HLF: variants seen among roughly 807,000 people sequenced by gnomAD.
The protein encoded by HLF is hepatic leukemia factor.
A neutral mutation model predicts 22.6 loss-of-function variants in HLF; 3 were observed. The observed-to-expected ratio is 0.13, with a 90% CI of 0.06 to 0.34. The LOEUF is 0.34. Ranked by LOEUF, HLF falls within the 10% of genes least tolerant of loss-of-function variation. The probability of loss-of-function intolerance (pLI) is 1.00; values close to 1 mark genes in which losing one functional copy is unlikely to be tolerated. For missense variants in HLF, 299 were observed against 389.2 expected (o/e 0.77, Z 1.95); for synonymous variants, 151 against 151.8 (o/e 0.99, Z 0.04).
intron 2 of HLF, among the ~76,000 whole-genome samples, chr17:55,282,268 G>T (rs1210524039): frequency 1.3e-5 from 2 of 152,180 alleles, no homozygotes; most frequent in Non-Finnish European, 2.9e-5. Context: ...CCAGGTTTTT[G>T]AGTTGCTGGA....
chr17:55,283,105 A>G lies in HLF; in HGVS notation c.451+15019A>G, dbSNP rs931011946. Among the ~76,000 whole-genome samples the G allele has an allele frequency of 3.3e-5, 5 of 152,184 alleles. 1 individual carries two copies. The highest frequency in any genetic ancestry group is 1.2e-4 in the African/African-American group (5 of 41,538). Reference sequence around the variant, plus strand: ...AGTGGTCGTTTACTAGCCAGACAAAATAATTTTTTTATAAAGAAAAGAAAA... The same window carrying G: ...AGTGGTCGTTTACTAGCCAGACAAAGTAATTTTTTTATAAAGAAAAGAAAA... On this transcript the variant is annotated intron_variant, in intron 2 of 3. Transcript: ENST00000226067.
rs1905388611 is a variant in HLF, at chr17:55,324,622, C to T, written c.*3743C>T. On this transcript the variant is annotated 3_prime_UTR_variant, in exon 4 of 4. Coordinates refer to ENST00000226067, the MANE Select transcript of HLF (RefSeq NM_002126.5). ...GGTGTCTGAGACTAAGTGATCTGCC[C>T]TCCAGGTGGCGATCACCTTCTGCTC... 5 of 232,768 alleles carry T rather than the reference C, an allele frequency of 2.1e-5. No homozygotes were observed. The East Asian group carries it at 3.0e-4, about 14-fold the overall frequency. 14.4% of individuals were successfully genotyped at this position (232,768 alleles called of 1,614,324 possible). A position where few individuals can be genotyped will look rare whatever the true frequency, so the allele number is the denominator to read the frequency against.
intron 2 of HLF, chr17:55,272,954 G>A (rs1207805632): frequency 6.6e-6 from 1 of 152,336 alleles, no homozygotes; most frequent in East Asian, 1.9e-4. Flanking sequence ...GAAGGGGAGG[G>A]AGTCTGCATG....
chr17:55,306,192 G>T (rs1904539555), intron 2 of HLF, among the ~76,000 whole-genome samples: 1 of 152,078 alleles, frequency 6.6e-6, no homozygotes, highest in Non-Finnish European at 1.5e-5. Context: ...CTACACTGCA[G>T]CCTGGAGACA....
In HLF at chr17:55,323,373, T is replaced by C. The variant is rs2145384216; in HGVS notation, c.*2494T>C. On this transcript the variant is annotated 3_prime_UTR_variant, in exon 4 of 4. Coordinates refer to ENST00000226067, the MANE Select transcript of HLF (RefSeq NM_002126.5). ...AATGATGTCTTTAAGTGGAGAATTG[T>C]GGAAGGATTGTAACATGGACCATCC... The C allele has an allele frequency of 4.6e-6, 1 of 215,472 alleles. No individual in the cohort carries two copies. Among genetic ancestry groups the C allele is most frequent in the Non-Finnish European group, 9.4e-6 (1 of 106,600 alleles). 13.3% of individuals were successfully genotyped at this position (215,472 alleles called of 1,614,324 possible).
chr17:55,302,888 C>A (rs1904362865), intron 2 of HLF, among the ~76,000 whole-genome samples: 2 of 152,208 alleles, frequency 1.3e-5, no homozygotes. Context: ...GAAGGTAGCC[C>A]ATCCTAGGGG....
chr17:55,298,183 G>C (rs2081126496), intron 2 of HLF, among the ~76,000 whole-genome samples: 1 of 152,104 alleles, frequency 6.6e-6, no homozygotes, highest in Non-Finnish European at 1.5e-5. Context: ...TAGATCCCCT[G>C]TTCAGGGGAT....
chr17:55,315,566 A>G, intron 3 of HLF, 119 bp downstream of exon 3: 1 of 750,298 alleles, frequency 1.3e-6, no homozygotes, highest in South Asian at 1.7e-5. Context: ...CTGATTTCTG[A>G]TCCTGTTTCT....
At chr17:55,304,550 T>G (rs531859681) in intron 2 of HLF, among the ~76,000 whole-genome samples, 1 of 152,312 alleles carries the variant, frequency 6.6e-6, no homozygotes, top group East Asian at 1.9e-4. Flanking sequence ...TGAGAGGCCT[T>G]GTTAATCCAG....
chr17:55,283,835 G>A (rs1391782703), intron 2 of HLF: 3 of 152,206 alleles, frequency 2.0e-5, no homozygotes, highest in Admixed American at 2.0e-4. Flanking sequence ...TGCGTCCTCG[G>A]TAGGCAGTCA....
chr17:55,311,373 G>A (rs948845449), intron 2 of HLF, among the ~76,000 whole-genome samples: 25 of 152,018 alleles, frequency 1.6e-4, no homozygotes, highest in African/African-American at 3.4e-4. Context: ...GCGTGGTGGC[G>A]GGCGCCTGTA....
At chr17:55,282,942 T>C (rs896872722) in intron 2 of HLF, among the ~76,000 whole-genome samples, 35 of 152,168 alleles carry the variant, frequency 2.3e-4, no homozygotes, top group African/African-American at 7.9e-4. Context: ...TCAACAATAA[T>C]CAAGCTAGTT....
intron 2 of HLF, among the ~76,000 whole-genome samples, chr17:55,302,257 T>C (rs745645864): frequency 2.0e-5 from 3 of 152,208 alleles, no homozygotes; most frequent in Non-Finnish European, 4.4e-5. Flanking sequence ...CAGATCAGTT[T>C]AGGACTCTGT....
At chr17:55,284,897 TCTTCCTCAACC>T (rs1191910133) in intron 2 of HLF, among the ~76,000 whole-genome samples, 3 of 152,202 alleles carry the variant, frequency 2.0e-5, no homozygotes, top group African/African-American at 7.2e-5. Flanking sequence ...TAATCCCCTT[TCTTCCTCAACC>T]TAGGAACCTC....
chr17:55,286,979 CAG>C, intron 2 of HLF, among the ~76,000 whole-genome samples: 1 of 152,302 alleles, frequency 6.6e-6, no homozygotes, highest in South Asian at 2.1e-4. Context: ...AGGGAGGTGA[CAG>C]AAACCCATTC....
chr17:55,301,977 TA>T (rs2081160747), intron 2 of HLF, among the ~76,000 whole-genome samples: 1 of 152,222 alleles, frequency 6.6e-6, no homozygotes, highest in Non-Finnish European at 1.5e-5. Context: ...CTCATCCTAT[TA>T]TTTAACAGTG....
chr17:55,300,092 G>C (rs148892071), intron 2 of HLF, among the ~76,000 whole-genome samples: 23 of 152,290 alleles, frequency 1.5e-4, no homozygotes, highest in Admixed American at 4.6e-4. Flanking sequence ...TCCCTCCTCA[G>C]CCTCCCAAAG....
At position 55,277,040 on chromosome 17, in the gene HLF, G is replaced by T. The variant is rs189379073; in HGVS notation, c.451+8954G>T. 1.8e-4 allele frequency among the ~76,000 whole-genome samples: 27 copies of T among 152,252 alleles called. No homozygotes were observed. In the South Asian group the frequency reaches 5.6e-3, roughly 32 times the overall value. The stretch of plus-strand genomic sequence containing the variant: ...AAACCCATAATTTTGGTGATTGGGG[G>T]AAACACTCTTTGGCAAGGAAATAGT... On this transcript the variant is annotated intron_variant, in intron 2 of 3. Transcript: ENST00000226067.
At chr17:55,296,509 G>A (rs1395503508) in intron 2 of HLF, among the ~76,000 whole-genome samples, 1 of 152,092 alleles carries the variant, frequency 6.6e-6, no homozygotes, top group African/African-American at 2.4e-5. Context: ...GGAAATATAT[G>A]TATATGCATA....
Sources: gnomAD v4.1 joint callset for allele counts (sites outside exome capture counted in the v4.1 genomes callset) on GRCh38, gnomAD v4.1.1 for gene constraint, MANE v1.5 for transcripts, NCBI Gene and HGNC (gene_info 2026-07-23, HGNC 2026-07-21) for gene names.